The following PCYT2 variants were observed in gnomAD, a reference collection of about 807,000 sequenced individuals.
PCYT2 encodes the protein phosphate cytidylyltransferase 2, ethanolamine, also known as ethanolamine-phosphate cytidylyltransferase.
PCYT2 carries 33 observed loss-of-function variants against 50.0 expected under a neutral mutation model. The ratio of observed to expected loss-of-function variants is 0.66; its 90% CI spans 0.50 to 0.88. PCYT2 has a LOEUF of 0.88. PCYT2 is among the 40% of genes least tolerant of loss of function. The probability of loss-of-function intolerance (pLI) is 0.00; values close to 1 mark genes in which losing one functional copy is unlikely to be tolerated. For synonymous variants in PCYT2, 240 were observed against 203.7 expected, an observed-to-expected ratio of 1.18 and a Z score of -1.52; for missense variants, 430 against 519.7, an observed-to-expected ratio of 0.83 and a Z score of 1.68.
chr17:81,907,342 G>A lies in PCYT2; in HGVS notation c.537+212C>T, dbSNP rs572915653. The A allele has an allele frequency of 9.3e-5, 125 of 1,350,830 alleles. No individual in the cohort carries two copies. The East Asian group carries it at 1.1e-3, about 11-fold the overall frequency. 83.7% of individuals were successfully genotyped at this position (1,350,830 alleles called of 1,614,324 possible). ...CTTGCTCCTCCAAGCAGTGGCTGCCGTGACCGGCCAGCCGGTGCCACCACC... is the reference window on the plus strand; with the variant it reads ...CTTGCTCCTCCAAGCAGTGGCTGCCATGACCGGCCAGCCGGTGCCACCACC... On this transcript the variant is annotated intron_variant, in intron 6 of 12. Coordinates refer to ENST00000538936, the MANE Select transcript of PCYT2 (RefSeq NM_002861.5).
At position 81,909,616 on chromosome 17, in the gene PCYT2, G is replaced by A. The variant is rs767978978; in HGVS notation, c.90-14C>T. 2 of 1,599,272 alleles carry A rather than the reference G, an allele frequency of 1.3e-6. No individual in the cohort carries two copies. Among genetic ancestry groups the A allele is most frequent in the South Asian group, 1.1e-5 (1 of 90,768 alleles). ...ACCATGTCATAGCTGTGGAGACAGA[G>A]AGAGTGGGTGGTCCCTGTGCCAAGG... is the stretch of plus-strand genomic sequence containing the variant. On this transcript the variant is annotated splice_polypyrimidine_tract_variant and intron_variant, in intron 1 of 12. Transcript: ENST00000538936.
chr17:81,908,973 C>G lies in PCYT2; in HGVS notation c.243G>C (p.Gln81His), dbSNP rs1383120514. 4 of 1,613,948 alleles carry G rather than the reference C, an allele frequency of 2.5e-6. No homozygotes were observed. The highest frequency in any genetic ancestry group is 3.4e-6 in the Non-Finnish European group (4 of 1,180,014). Residue 81 changes from glutamine to histidine, a missense_variant, in exon 3 of 13, where the codon CAG (glutamine) becomes CAC (histidine). Around this residue, in one of 4 missense-constraint regions of PCYT2, gnomAD observed 117 missense variants for 163.9 expected, o/e 0.71. Coordinates refer to ENST00000538936, the MANE Select transcript of PCYT2 (RefSeq NM_002861.5). ...FTQEERYKMV[Q>H]AIKWVDEVVP... ...CCACCTCGTCCACCCATTTGATGGC[C>G]TGCACCATCTTGTATCTCTCCTCCT...
intron 6 of PCYT2, 183 bp from the exon 7 acceptor site, chr17:81,907,081 A>G: frequency 1.9e-6 from 2 of 1,050,506 alleles, no homozygotes; most frequent in Non-Finnish European, 2.7e-6. Context: ...CAACCACAGC[A>G]GGCACCGCAG....
rs1300366753 is a variant in PCYT2 at position 81,902,175 on chromosome 17, G to A, written c.*2658C>T. 4 of 1,097,754 alleles carry A rather than the reference G, an allele frequency of 3.6e-6. No individual in the cohort carries two copies. The highest frequency in any genetic ancestry group is 4.5e-5 in the Admixed American group (1 of 22,004). 68.0% of individuals were successfully genotyped at this position (1,097,754 alleles called of 1,614,324 possible). A position where few individuals can be genotyped will look rare whatever the true frequency, so the allele number is the denominator to read the frequency against. On this transcript the variant is annotated 3_prime_UTR_variant, in exon 13 of 13. Transcript: ENST00000538936. ...CCCAGCCCGCCCGCCGCCCCTCCCG[G>A]CCCTCCGCAGCCTCGGCCCGCCCTC...
intron 6 of PCYT2, chr17:81,907,117 G>A (rs1298888002): frequency 1.5e-5 from 19 of 1,229,952 alleles, no homozygotes; most frequent in South Asian, 1.0e-4. Context: ...CCCAGCAAGC[G>A]ACCACCAGGA....
intron 9 of PCYT2, 91 bp downstream of exon 9, chr17:81,906,009 C>T (rs1293067558): frequency 2.6e-6 from 3 of 1,172,136 alleles, no homozygotes; most frequent in East Asian, 5.0e-5. Flanking sequence ...GTGACCCAAG[C>T]CCCCCTGCCC....
Position 81,911,232 on chromosome 17 carries a change from G to A in PCYT2, c.89+35C>T, listed in dbSNP as rs1450534959. 7 of 1,030,282 alleles carry A rather than the reference G, an allele frequency of 6.8e-6. No homozygotes were observed. The South Asian group carries it at 1.8e-4, about 26-fold the overall frequency. 63.8% of individuals were successfully genotyped at this position (1,030,282 alleles called of 1,614,324 possible). ...GGCGCCCCGGAAGGAAGCCGGCCCCGGCGCCCCCGCGGCCCGCCCCGGCCC... is the reference window on the plus strand; with the variant it reads ...GGCGCCCCGGAAGGAAGCCGGCCCCAGCGCCCCCGCGGCCCGCCCCGGCCC... On this transcript the variant is annotated intron_variant, in intron 1 of 12. Transcript: ENST00000538936.
In PCYT2 at chr17:81,902,688, C is replaced by T; in HGVS notation, c.*2145G>A. ...AGCGGCTCCCCGACGGCCGCGGGAC[C>T]TACCAGTGCAAGGCGAACGTCTTCC... is the stretch of plus-strand genomic sequence containing the variant. On this transcript the variant is annotated 3_prime_UTR_variant, in exon 13 of 13. Transcript: ENST00000538936. 2 of 1,608,972 alleles carry T rather than the reference C, an allele frequency of 1.2e-6. No individual in the cohort carries two copies. The highest frequency in any genetic ancestry group is 1.7e-6 in the Non-Finnish European group (2 of 1,178,818).
In PCYT2 at chr17:81,902,317, C is replaced by T. The variant is rs1015178415; in HGVS notation, c.*2516G>A. On this transcript the variant is annotated 3_prime_UTR_variant, in exon 13 of 13. Transcript: ENST00000538936. ...GACACTGGCGGCCGCCGCCCTGGCGCTGTGCCTGCTGCTGGCGCCGCCTGG... is the reference window on the plus strand; with the variant it reads ...GACACTGGCGGCCGCCGCCCTGGCGTTGTGCCTGCTGCTGGCGCCGCCTGG... 58 of 1,337,176 alleles carry T rather than the reference C, an allele frequency of 4.3e-5. No individual in the cohort carries two copies. Among genetic ancestry groups the T allele is most frequent in the Non-Finnish European group, 5.0e-5 (53 of 1,051,166 alleles). The allele number at this position is 1,337,176 out of a possible 1,614,324, so 82.8% of individuals were successfully genotyped here.
At position 81,902,027 on chromosome 17, in the gene PCYT2, G is replaced by A. The variant is rs1259855466; in HGVS notation, c.*2806C>T. 3.8e-6 allele frequency: 1 copy of A among 263,384 alleles called. No individual in the cohort carries two copies. Among genetic ancestry groups the A allele is most frequent in the African/African-American group, 2.2e-5 (1 of 44,464 alleles). 16.3% of individuals were successfully genotyped at this position (263,384 alleles called of 1,614,324 possible). On this transcript the variant is annotated 3_prime_UTR_variant, in exon 13 of 13. Coordinates refer to ENST00000538936, the MANE Select transcript of PCYT2 (RefSeq NM_002861.5). ...AGGGCGCGAGCGGCATGGGTGGGGA[G>A]CTTGAGGGGGCGTTGGGCTCCCACC...
rs1009626386 is a variant in PCYT2, at chr17:81,903,023, C to A, written c.*1810G>T. On this transcript the variant is annotated 3_prime_UTR_variant, in exon 13 of 13. Coordinates refer to ENST00000538936, the MANE Select transcript of PCYT2 (RefSeq NM_002861.5). ...GGCGGCAGGGCAAGGTTGGCCTGGG[C>A]CGCCCAGAGGTCTTCAGACCCAGGG... 2 of 474,028 alleles carry A rather than the reference C, an allele frequency of 4.2e-6. No homozygotes were observed. Among genetic ancestry groups the A allele is most frequent in the Admixed American group, 8.1e-5 (2 of 24,824 alleles). 29.4% of individuals were successfully genotyped at this position (474,028 alleles called of 1,614,324 possible).
Position 81,902,756 on chromosome 17 carries a change from CCT to C in PCYT2, c.*2075_*2076del. ...GACTGCCTCGCCGCCTGAGCCCGGA[CCT>C]CTCCTGGCACCGCTGGGGGCCCCCC... On this transcript the variant is annotated 3_prime_UTR_variant, in exon 13 of 13. Coordinates refer to ENST00000538936, the MANE Select transcript of PCYT2 (RefSeq NM_002861.5). The C allele has an allele frequency of 6.2e-7, 1 of 1,602,454 alleles. No homozygotes were observed. The highest frequency in any genetic ancestry group is 8.5e-7 in the Non-Finnish European group (1 of 1,176,260).
Position 81,904,838 on chromosome 17 carries a change from A to C in PCYT2, c.1165T>G (p.Phe389Val). The C allele has an allele frequency of 1.2e-6, 2 of 1,605,718 alleles. No homozygotes were observed. Among genetic ancestry groups the C allele is most frequent in the South Asian group, 2.2e-5 (2 of 90,688 alleles). Reference sequence around the variant, plus strand: ...CGGCCAGGGCCTCTGCCAGGTTAGAAGTCACCATCGCGCTCCCCCAGGGGC... The same window carrying C: ...CGGCCAGGGCCTCTGCCAGGTTAGACGTCACCATCGCGCTCCCCCAGGGGC... ...AQPLGERDGD[F>V] is the part of the protein sequence containing the mutation. Residue 389 changes from phenylalanine to valine, a missense_variant, in exon 13 of 13, where the codon TTC becomes GTC. Phe to Val is a conservative substitution (Grantham distance 50, BLOSUM62 -1). This residue lies in a region of PCYT2 where 248 missense variants were observed against 300.2 expected (regional missense o/e 0.83). Transcript: ENST00000538936.
chr17:81,909,457 G>T, intron 2 of PCYT2, 57 bp downstream of exon 2: 2 of 1,546,444 alleles, frequency 1.3e-6, no homozygotes, highest in South Asian at 1.1e-5. Flanking sequence ...TCAGTCAACA[G>T]TCGCAACCCA....
chr17:81,905,051 C>T lies in PCYT2; in HGVS notation c.1058+15G>A, dbSNP rs2040176075. On this transcript the variant is annotated intron_variant, in intron 12 of 12. Coordinates refer to ENST00000538936, the MANE Select transcript of PCYT2 (RefSeq NM_002861.5). Reference sequence around the variant, plus strand: ...GCCCATGAGGCGGCTCCGAGGTGCCCCCACCCAACTGCACCTGTTGGTGAT... The same window carrying T: ...GCCCATGAGGCGGCTCCGAGGTGCCTCCACCCAACTGCACCTGTTGGTGAT... 1 of 1,602,422 alleles carries T rather than the reference C, an allele frequency of 6.2e-7. No homozygotes were observed. The highest frequency in any genetic ancestry group is 1.7e-5 in the Admixed American group (1 of 59,714).
rs558554720 is a variant in PCYT2, at chr17:81,902,562, C to A, written c.*2271G>T. ...CGTGCCGGGGACTGATGGGGGGCGGCGGCAGGACGTGGGTGGGGGTGCGGC... is the reference window on the plus strand; with the variant it reads ...CGTGCCGGGGACTGATGGGGGGCGGAGGCAGGACGTGGGTGGGGGTGCGGC... On this transcript the variant is annotated 3_prime_UTR_variant, in exon 13 of 13. Coordinates refer to ENST00000538936, the MANE Select transcript of PCYT2 (RefSeq NM_002861.5). 1.4e-4 allele frequency: 203 copies of A among 1,497,260 alleles called. 1 individual carries two copies. The Admixed American group carries it at 2.1e-3, about 16-fold the overall frequency. The allele number at this position is 1,497,260 out of a possible 1,614,324, so 92.7% of individuals were successfully genotyped here.
rs2143611016 is a variant in PCYT2 at position 81,902,347 on chromosome 17, G to A, written c.*2486C>T. 2 of 1,341,340 alleles carry A rather than the reference G, an allele frequency of 1.5e-6. No individual in the cohort carries two copies. Among genetic ancestry groups the A allele is most frequent in the South Asian group, 2.0e-5 (1 of 49,476 alleles). 83.1% of individuals were successfully genotyped at this position (1,341,340 alleles called of 1,614,324 possible). ...CCTGCTGCTGGCGCCGCCTGGCCTC[G>A]CGTGGTACAAGCCAGCGGCGGGGCA... On this transcript the variant is annotated 3_prime_UTR_variant, in exon 13 of 13. Transcript: ENST00000538936.
At chr17:81,908,685 C>A (rs372935109) in intron 3 of PCYT2, 51 bp from the exon 4 acceptor site, 11 of 1,512,420 alleles carry the variant, frequency 7.3e-6, no homozygotes, top group African/African-American at 1.4e-5. Context: ...GCCACCAGAA[C>A]CTTCAGAGCC....
At chr17:81,907,672 G>A in intron 5 of PCYT2, 74 bp from the exon 6 acceptor site, 1 of 1,596,400 alleles carries the variant, frequency 6.3e-7, no homozygotes, top group South Asian at 1.1e-5. Flanking sequence ...GCTGGGGATG[G>A]GGAGCAGTGG....
Sources: allele counts gnomAD v4.1 joint callset, GRCh38; gene constraint gnomAD v4.1.1; regional missense constraint gnomAD v4.1.1; transcripts MANE v1.5; gene names NCBI Gene and HGNC (gene_info 2026-07-23, HGNC 2026-07-21).